COLEC12: variants seen among roughly 807,000 people sequenced by gnomAD.
COLEC12 encodes the protein collectin-12.
Under a neutral mutation model 71.1 loss-of-function variants are expected in COLEC12, and 33 were observed. The ratio of observed to expected loss-of-function variants is 0.46; its 90% confidence interval spans 0.35 to 0.62. COLEC12 has a LOEUF of 0.62. Ranked by LOEUF, COLEC12 falls within the 20% of genes least tolerant of loss-of-function variation. The pLI is 0.00. For missense variants in COLEC12, 765 were observed against 916.1 expected, an observed-to-expected ratio of 0.84 and a Z score of 2.13; for synonymous variants, 350 against 353.0, an observed-to-expected ratio of 0.99 and a Z score of 0.10.
intron 1 of COLEC12, among the ~76,000 whole-genome samples, chr18:496,288 C>A (rs1917711232): frequency 6.6e-6 from 1 of 152,112 alleles, no homozygotes; most frequent in Non-Finnish European, 1.5e-5. Flanking sequence ...GGGTTGGAGC[C>A]ATTGGAACAA....
At chr18:398,193 A>C (rs912490468) in intron 2 of COLEC12, among the ~76,000 whole-genome samples, 1 of 152,208 alleles carries the variant, frequency 6.6e-6, no homozygotes, top group Middle Eastern at 3.2e-3. Context: ...ATTAGTCCAC[A>C]CTGCTTCTTA....
At position 442,012 on chromosome 18, in the gene COLEC12, C is replaced by CT. The variant is rs1916550689; in HGVS notation, c.58+38694_58+38695insA. ...GAGACTCTCTCTCTCTACACACACA[C>CT]ACACACACACACACACACACACACA... On this transcript the variant is annotated intron_variant, in intron 2 of 9. Coordinates refer to ENST00000400256, the MANE Select transcript of COLEC12 (RefSeq NM_130386.3). Among the ~76,000 whole-genome samples the CT allele has an allele frequency of 1.2e-4, 11 of 93,154 alleles. No individual in the cohort carries two copies. The South Asian group carries it at 3.2e-3, about 27-fold the overall frequency. The allele number at this position is 93,154 out of a possible 152,430, so 61.1% of individuals were successfully genotyped here.
chr18:392,552 T>C (rs968865812), intron 2 of COLEC12, among the ~76,000 whole-genome samples: 1 of 152,250 alleles, frequency 6.6e-6, no homozygotes, highest in Non-Finnish European at 1.5e-5. Flanking sequence ...TAGCCCCCAT[T>C]TCAGATGCTA....
chr18:321,242 T>A (rs1005527756), intron 9 of COLEC12, among the ~76,000 whole-genome samples: 1 of 152,114 alleles, frequency 6.6e-6, no homozygotes, highest in Non-Finnish European at 1.5e-5. Context: ...TTAGTAGAGA[T>A]GGGGTTTCTC....
intron 2 of COLEC12, among the ~76,000 whole-genome samples, chr18:430,781 G>T (rs8083866): frequency 0.19 from 28,142 of 152,036 alleles, 2,889 homozygotes; most frequent in Middle Eastern, 0.24. Flanking sequence ...TCATATGAAA[G>T]AACATTTTTT....
At chr18:453,962 G>A (rs1449678908) in intron 2 of COLEC12, among the ~76,000 whole-genome samples, 1 of 152,178 alleles carries the variant, frequency 6.6e-6, no homozygotes, top group Non-Finnish European at 1.5e-5. Flanking sequence ...CAGGACCAGT[G>A]TTCTAATCAA....
At chr18:398,693 A>T (rs114684733) in intron 2 of COLEC12, among the ~76,000 whole-genome samples, 3,548 of 152,300 alleles carry the variant, frequency 0.023, 50 homozygotes, top group African/African-American at 0.042. Context: ...ATAATGTGGG[A>T]CTATCTGACT....
intron 7 of COLEC12, 115 bp downstream of exon 7, chr18:332,892 T>G (rs983565206): frequency 2.0e-5 from 19 of 932,474 alleles, no homozygotes; most frequent in Admixed American, 5.4e-5. Context: ...TTGCCTCCCA[T>G]GTTTACGTGA....
intron 2 of COLEC12, among the ~76,000 whole-genome samples, chr18:385,216 G>T (rs1274837589): frequency 6.6e-6 from 1 of 151,758 alleles, no homozygotes; most frequent in Non-Finnish European, 1.5e-5. Flanking sequence ...AGAAAGATCA[G>T]GTTAAAAAAA....
rs532235857 is a variant in COLEC12, at chr18:435,379, T to C, written c.58+45328A>G. Among the ~76,000 whole-genome samples, 5 of 152,248 alleles carry C rather than the reference T, an allele frequency of 3.3e-5. No individual in the cohort carries two copies. The South Asian group carries it at 1.0e-3, about 32-fold the overall frequency. On this transcript the variant is annotated intron_variant, in intron 2 of 9. Coordinates refer to ENST00000400256, the MANE Select transcript of COLEC12 (RefSeq NM_130386.3). ...GGCACCTTCTTCAAAGGTGGCAGGA[T>C]GGAGTGAGTCCAAGCAGGGGAAATG...
intron 3 of COLEC12, among the ~76,000 whole-genome samples, chr18:355,222 A>G (rs60559324): frequency 0.078 from 11,819 of 152,192 alleles, 1,457 homozygotes; most frequent in African/African-American, 0.26. Flanking sequence ...GGGTGGTGAC[A>G]CAGACAAGTC....
intron 1 of COLEC12, among the ~76,000 whole-genome samples, chr18:498,439 A>C (rs1450633619): frequency 1.3e-5 from 2 of 148,814 alleles, no homozygotes; most frequent in East Asian, 4.0e-4. Context: ...GGCTCACTGC[A>C]ACCTCCATCT....
chr18:417,724 G>C (rs1005461247), intron 2 of COLEC12, among the ~76,000 whole-genome samples: 8 of 152,220 alleles, frequency 5.3e-5, no homozygotes, highest in African/African-American at 1.9e-4. Context: ...GCCTGTTGCT[G>C]TCAGCAAGTT....
intron 5 of COLEC12, among the ~76,000 whole-genome samples, chr18:342,872 T>C (rs1914287187): frequency 6.6e-6 from 1 of 152,160 alleles, no homozygotes; most frequent in South Asian, 2.1e-4. Flanking sequence ...AGAATTGAGA[T>C]TTTCTTTATC....
intron 2 of COLEC12, among the ~76,000 whole-genome samples, chr18:364,821 C>T (rs1364019288): frequency 6.6e-6 from 1 of 152,126 alleles, no homozygotes; most frequent in Non-Finnish European, 1.5e-5. Flanking sequence ...CTCCTGGTTA[C>T]TTATAATGTC....
chr18:451,405 G>T (rs1916757954), intron 2 of COLEC12, among the ~76,000 whole-genome samples: 1 of 152,192 alleles, frequency 6.6e-6, no homozygotes, highest in Admixed American at 6.5e-5. Context: ...AAGCATTTAT[G>T]ATGTGGCCTG....
chr18:349,179 G>T (rs180748112), intron 3 of COLEC12, among the ~76,000 whole-genome samples: 2 of 152,324 alleles, frequency 1.3e-5, no homozygotes, highest in Non-Finnish European at 2.9e-5. Context: ...GGAGAAAATG[G>T]TTTCGTGGGC....
chr18:436,465 A>G (rs1160499638), intron 2 of COLEC12, among the ~76,000 whole-genome samples: 2 of 131,258 alleles, frequency 1.5e-5, no homozygotes, highest in Non-Finnish European at 3.1e-5. Context: ...CAGTGAGCAG[A>G]GATCATGCCA....
In COLEC12 at chr18:324,603, T is replaced by A. The variant is rs185999416; in HGVS notation, c.2064-2796A>T. Among the ~76,000 whole-genome samples, 461 of 151,546 alleles carry A rather than the reference T, an allele frequency of 3.0e-3. 3 individuals are homozygous for A. Among genetic ancestry groups the A allele is most frequent in the African/African-American group, 0.011 (446 of 41,326 alleles). ...CAGCACTTTGGGAGGCCGAGGTGGGTGGATCACCTGAGGTCAGGAGTTCAA... is the reference window on the plus strand; with the variant it reads ...CAGCACTTTGGGAGGCCGAGGTGGGAGGATCACCTGAGGTCAGGAGTTCAA... On this transcript the variant is annotated intron_variant, in intron 8 of 9. Coordinates refer to ENST00000400256, the MANE Select transcript of COLEC12 (RefSeq NM_130386.3).
Sources: allele counts gnomAD v4.1 joint callset (sites outside exome capture counted in the v4.1 genomes callset), GRCh38; gene constraint gnomAD v4.1.1; transcripts MANE v1.5; gene names NCBI Gene and HGNC (gene_info 2026-07-23, HGNC 2026-07-21).